The following PLA2G7 variants were observed in gnomAD, a reference collection of about 807,000 sequenced individuals.
PLA2G7 encodes the protein platelet-activating factor acetylhydrolase.
In PLA2G7, 63 loss-of-function variants were observed where a neutral mutation model predicts 49.6. That is an observed-to-expected ratio of 1.27 (90% CI 1.04 to 1.57). The LOEUF is 1.57. Among genes scored for constraint, PLA2G7 ranks in the 40% most tolerant of loss-of-function variants. The probability of loss-of-function intolerance (pLI) is 0.00; values close to 1 mark genes in which losing one functional copy is unlikely to be tolerated. For synonymous variants in PLA2G7, 193 were observed against 169.9 expected (o/e 1.14, Z -1.06); for missense variants, 596 against 521.2 (o/e 1.14, Z -1.40).
intron 10 of PLA2G7, among the ~76,000 whole-genome samples, chr6:46,705,664 C>T (rs775879773): frequency 2.7e-4 from 41 of 152,210 alleles, no homozygotes; most frequent in African/African-American, 8.0e-4. Flanking sequence ...CTGCTACCTG[C>T]CCTCACCACT....
intron 2 of PLA2G7, among the ~76,000 whole-genome samples, chr6:46,722,354 T>G (rs1216617704): frequency 6.6e-6 from 1 of 152,210 alleles, no homozygotes; most frequent in Non-Finnish European, 1.5e-5. Flanking sequence ...ACCAGGAGTA[T>G]GCCTGTTGAA....
rs147553693 is a variant in PLA2G7 at position 46,717,057 on chromosome 6, C to T, written c.149G>A (p.Ser50Asn). Residue 50 changes from serine to asparagine, a missense_variant, in exon 3 of 12, where the codon AGC (serine) becomes AAC (asparagine). By Grantham distance (46) the Ser-to-Asn change is conservative. Transcript: ENST00000274793. ...CCGGGGGATTTTAGTTTGGCCAAAG[C>T]TTGCAGCAGCCATCAGTACTTGTAT... ...NKIQVLMAAA[S>N]FGQTKIPRGN... 104 of 1,613,820 alleles carry T rather than the reference C, an allele frequency of 6.4e-5. No individual in the cohort carries two copies. The African/African-American group carries it at 9.1e-4, about 14-fold the overall frequency.
Position 46,716,999 on chromosome 6 carries a change from G to A in PLA2G7, c.207C>T (p.Asp69=), listed in dbSNP as rs1167602764. The A allele has an allele frequency of 1.2e-6, 2 of 1,613,452 alleles. No individual in the cohort carries two copies. Among genetic ancestry groups the A allele is most frequent in the Non-Finnish European group, 1.7e-6 (2 of 1,179,480 alleles). Residue 69 remains aspartate (D), a synonymous_variant, in exon 3 of 12, where the codon GAC becomes GAT. Coordinates refer to ENST00000274793, the MANE Select transcript of PLA2G7 (RefSeq NM_005084.4). ...CCTTATTAGTGTGATCAAACATTAA[G>A]TCTGTACAACCAACGGAATAAGGCC... The part of the protein sequence containing the change: ...GNGPYSVGCT[D]LMFDHTNKGT...
rs868371216 is a variant in PLA2G7 at position 46,704,589 on chromosome 6, TC to T, written c.1296del (p.Asn433ThrfsTer5). ...TTGTATTTCTCTATTCCTGAAGAGTTCTGTAACATGATGTGTTGATTGGTTG... is the reference window on the plus strand; with the variant it reads ...TTGTATTTCTCTATTCCTGAAGAGTTTGTAACATGATGTGTTGATTGGTTG... ...INTTNQHIML[Q>X]NSSGIEKYN On this transcript the variant is annotated frameshift_variant, in exon 12 of 12. Transcript: ENST00000274793. LOFTEE classifies it low-confidence loss of function (END_TRUNC). 15 of 1,594,650 alleles carry T rather than the reference TC, an allele frequency of 9.4e-6. No individual in the cohort carries two copies. Among genetic ancestry groups the T allele is most frequent in the Admixed American group, 1.7e-5 (1 of 59,858 alleles).
At chr6:46,726,874 T>A (rs1765590043) in intron 1 of PLA2G7, among the ~76,000 whole-genome samples, 4 of 152,052 alleles carry the variant, frequency 2.6e-5, no homozygotes, top group Admixed American at 2.0e-4. Flanking sequence ...ACTCCTGACC[T>A]CATGTGATCC....
chr6:46,704,699 A>G lies in PLA2G7; in HGVS notation c.1190-3T>C, dbSNP rs769149959. On this transcript the variant is annotated splice_polypyrimidine_tract_variant and splice_region_variant and intron_variant, in intron 11 of 11. Transcript: ENST00000274793. ...CTGATCAAAATCTTTATGAAGTCCT[A>G]TAAAATATAAAGTGTTAATCAACAT... 3.2e-6 allele frequency: 5 copies of G among 1,540,440 alleles called. No homozygotes were observed. Among genetic ancestry groups the G allele is most frequent in the South Asian group, 1.1e-5 (1 of 89,838 alleles).
At chr6:46,719,850 G>A (rs140382756) in intron 2 of PLA2G7, among the ~76,000 whole-genome samples, 11 of 152,332 alleles carry the variant, frequency 7.2e-5, no homozygotes, top group Non-Finnish European at 1.3e-4. Context: ...AGGTAAATCT[G>A]TGCTGAGTCC....
At chr6:46,726,428 G>A (rs1171776884) in intron 1 of PLA2G7, among the ~76,000 whole-genome samples, 1 of 152,146 alleles carries the variant, frequency 6.6e-6, no homozygotes, top group Non-Finnish European at 1.5e-5. Flanking sequence ...TCTTTACACA[G>A]ATAAGTGCCT....
intron 5 of PLA2G7, among the ~76,000 whole-genome samples, chr6:46,713,397 G>A (rs1336156365): frequency 6.6e-6 from 1 of 152,158 alleles, no homozygotes; most frequent in Non-Finnish European, 1.5e-5. Flanking sequence ...CACCACTACT[G>A]AACTCTGCTG....
chr6:46,712,977 G>T (rs1472147327), intron 5 of PLA2G7, among the ~76,000 whole-genome samples: 2 of 152,124 alleles, frequency 1.3e-5, no homozygotes, highest in Non-Finnish European at 2.9e-5. Flanking sequence ...TTGCTGCCTT[G>T]GTTCCTTATC....
intron 2 of PLA2G7, among the ~76,000 whole-genome samples, chr6:46,719,266 G>GA (rs911938463): frequency 1.3e-5 from 2 of 152,160 alleles, no homozygotes; most frequent in Non-Finnish European, 2.9e-5. Context: ...TGAGTCATGG[G>GA]AAGAAACCAA....
chr6:46,722,355 G>C (rs1765426631), intron 2 of PLA2G7, among the ~76,000 whole-genome samples: 3 of 152,148 alleles, frequency 2.0e-5, no homozygotes, highest in Admixed American at 1.3e-4. Flanking sequence ...CCAGGAGTAT[G>C]CCTGTTGAAC....
chr6:46,710,708 C>CT (rs745980386), intron 7 of PLA2G7, 50 bp from the exon 8 acceptor site: 27 of 1,410,860 alleles, frequency 1.9e-5, no homozygotes, highest in Non-Finnish European at 2.7e-5. Context: ...AGTTATAACA[C>CT]TTATTTTAAA....
intron 2 of PLA2G7, among the ~76,000 whole-genome samples, chr6:46,721,566 A>C (rs947509080): frequency 1.3e-5 from 2 of 151,260 alleles, no homozygotes; most frequent in Non-Finnish European, 2.9e-5. Flanking sequence ...TTTTCCCACC[A>C]TCTAAGATAT....
Position 46,711,581 on chromosome 6 carries a change from T to C in PLA2G7, c.578A>G (p.Gln193Arg). The C allele has an allele frequency of 6.2e-7, 1 of 1,613,614 alleles. No individual in the cohort carries two copies. Among genetic ancestry groups the C allele is most frequent in the South Asian group, 1.1e-5 (1 of 91,076 alleles). The change falls in exon 7 of 12, where the codon CAA (glutamine) becomes CGA (arginine). Residue 193 changes from glutamine (Q) to arginine (R), a missense_variant. Physicochemically the swap from Gln to Arg is conservative, Grantham distance 43. Coordinates refer to ENST00000274793, the MANE Select transcript of PLA2G7 (RefSeq NM_005084.4). ...SASATYYFKD[Q>R]SAAEIGDKSW... The stretch of plus-strand genomic sequence containing the variant: ...CTTGTCCCCTATTTCTGCAGCAGAT[T>C]GGTCCTTGAAATAGTAAGTTGCAGA...
intron 1 of PLA2G7, among the ~76,000 whole-genome samples, chr6:46,723,560 G>A (rs993178474): frequency 6.6e-6 from 1 of 152,092 alleles, no homozygotes; most frequent in Admixed American, 6.5e-5. Flanking sequence ...TGAGATGTGT[G>A]GTAATAATAA....
At chr6:46,718,434 C>T (rs1456277386) in intron 2 of PLA2G7, among the ~76,000 whole-genome samples, 1 of 152,350 alleles carries the variant, frequency 6.6e-6, no homozygotes, top group South Asian at 2.1e-4. Context: ...TTCACAGGTG[C>T]ACAAGTTAAA....
rs747666345 is a variant in PLA2G7 at position 46,711,502 on chromosome 6, A to G, written c.657T>C (p.Asn219=). The G allele has an allele frequency of 3.1e-6, 5 of 1,613,674 alleles. No individual in the cohort carries two copies. The highest frequency in any genetic ancestry group is 4.5e-5 in the East Asian group (2 of 44,860). The part of the protein sequence containing the change: ...LKQEEETHIR[N]EQVRQRAKEC... ...TCCTTTCACTGCAATGTACCTGCTC[A>G]TTTCGTATATGTGTCTCCTCCTCTT... Residue 219 remains asparagine, a synonymous_variant, in exon 7 of 12, where the codon AAT becomes AAC. Transcript: ENST00000274793.
intron 1 of PLA2G7, among the ~76,000 whole-genome samples, chr6:46,729,094 T>A (rs1448134569): frequency 6.6e-6 from 1 of 152,138 alleles, no homozygotes; most frequent in Admixed American, 6.5e-5. Context: ...AGGAATCTGT[T>A]GTGCAGGTGC....
Sources: gnomAD v4.1 joint callset for allele counts (sites outside exome capture counted in the v4.1 genomes callset) on GRCh38, gnomAD v4.1.1 for gene constraint, MANE v1.5 for transcripts, NCBI Gene and HGNC (gene_info 2026-07-23, HGNC 2026-07-21) for gene names.